The following TTC7A variants were observed in gnomAD, a reference collection of about 807,000 sequenced individuals.
TTC7A encodes the protein tetratricopeptide repeat protein 7A.
Under a neutral mutation model 103.7 loss-of-function variants are expected in TTC7A, and 110 were observed. That is an observed-to-expected ratio of 1.06 (90% CI 0.91 to 1.24). The LOEUF (loss-of-function observed/expected upper bound fraction) is 1.24. Ranked by LOEUF, TTC7A falls within the 50% of genes most tolerant of loss-of-function variation. TTC7A has a pLI of 0.00. For synonymous variants in TTC7A, 521 were observed against 467.9 expected, an observed-to-expected ratio of 1.11 and a Z score of -1.47; for missense variants, 1,340 against 1,116.3, an observed-to-expected ratio of 1.20 and a Z score of -2.86.
At chr2:47,054,835 C>CAAA (rs71399005) in intron 18 of TTC7A, among the ~76,000 whole-genome samples, 20,816 of 115,180 alleles carry the variant, frequency 0.18, 1,651 homozygotes, top group Middle Eastern at 0.23. Context: ...GACCCTGTCT[C>CAAA]AAAAAAAAAA....
At chr2:46,960,748 A>G (rs1672298840) in intron 3 of TTC7A, among the ~76,000 whole-genome samples, 3 of 152,250 alleles carry the variant, frequency 2.0e-5, no homozygotes, top group Non-Finnish European at 4.4e-5. Context: ...GCAGCCTATA[A>G]GTAGCATTGG....
At chr2:47,036,003 C>A (rs1681060947) in intron 15 of TTC7A, among the ~76,000 whole-genome samples, 1 of 152,208 alleles carries the variant, frequency 6.6e-6, no homozygotes, top group African/African-American at 2.4e-5. Flanking sequence ...TAAGCGTCTT[C>A]TTTTGGGAAG....
At chr2:46,924,076 G>T (rs560072228) in intron 2 of TTC7A, among the ~76,000 whole-genome samples, 2 of 152,042 alleles carry the variant, frequency 1.3e-5, no homozygotes, top group East Asian at 1.9e-4. Context: ...GTGGTGGTGT[G>T]GGCCTGTAGT....
At chr2:46,949,157 G>A (rs1244744256) in intron 1 of TTC7A, among the ~76,000 whole-genome samples, 3 of 152,232 alleles carry the variant, frequency 2.0e-5, no homozygotes, top group African/African-American at 7.2e-5. Context: ...CTCTGCTGTA[G>A]GTAGCAGGAA....
rs1309488949 is a variant in TTC7A at position 47,053,997 on chromosome 2, T to G, written c.2152+2117T>G. 3 of 571,070 alleles carry G rather than the reference T, an allele frequency of 5.3e-6. No homozygotes were observed. In the African/African-American group the frequency reaches 6.1e-5, roughly 12 times the overall value. 35.4% of individuals were successfully genotyped at this position (571,070 alleles called of 1,614,324 possible). A position where few individuals can be genotyped will look rare whatever the true frequency, so the allele number is the denominator to read the frequency against. Reference sequence around the variant, plus strand: ...CTCCAAGTAAGGTTAAAGGCCCTCCTGAAGCCAGTAATTAGACTTGGGAAT... The same window carrying G: ...CTCCAAGTAAGGTTAAAGGCCCTCCGGAAGCCAGTAATTAGACTTGGGAAT... On this transcript the variant is annotated intron_variant, in intron 18 of 19. Coordinates refer to ENST00000319190, the MANE Select transcript of TTC7A (RefSeq NM_020458.4).
At chr2:46,930,889 C>T (rs1669666006) in intron 2 of TTC7A, among the ~76,000 whole-genome samples, 1 of 152,132 alleles carries the variant, frequency 6.6e-6, no homozygotes, top group African/African-American at 2.4e-5. Flanking sequence ...TTTATATGAA[C>T]TCTTTGGAGA....
intron 2 of TTC7A, among the ~76,000 whole-genome samples, chr2:46,923,408 G>T (rs909376835): frequency 6.6e-6 from 1 of 152,200 alleles, no homozygotes; most frequent in African/African-American, 2.4e-5. Flanking sequence ...CTTACAAGAA[G>T]ACATCACTGT....
rs370388640 is a variant in TTC7A at position 47,062,382 on chromosome 2, C to T, written c.2355+1411C>T. Among the ~76,000 whole-genome samples, 4 of 152,342 alleles carry T rather than the reference C, an allele frequency of 2.6e-5. No homozygotes were observed. The East Asian group carries it at 5.8e-4, about 22-fold the overall frequency. On this transcript the variant is annotated intron_variant, in intron 19 of 19. Coordinates refer to ENST00000319190, the MANE Select transcript of TTC7A (RefSeq NM_020458.4). ...TGTTCAGCCTCAAATGAAGAAAGCC[C>T]GTGCAGCCACCATACACCCTTGTCC...
At chr2:47,032,032 C>T (rs1227084157) in intron 15 of TTC7A, among the ~76,000 whole-genome samples, 1 of 152,184 alleles carries the variant, frequency 6.6e-6, no homozygotes, top group South Asian at 2.1e-4. Context: ...CTGCTGCTGC[C>T]CTGCCTCAAC....
intron 15 of TTC7A, among the ~76,000 whole-genome samples, chr2:47,041,753 CAAA>C (rs570586750): frequency 8.7e-5 from 7 of 80,000 alleles, no homozygotes; most frequent in Admixed American, 1.4e-4. Flanking sequence ...AACTCCGTCT[CAAA>C]AAAAAAAAAA....
At chr2:47,054,668 A>G (rs1412349182) in intron 18 of TTC7A, among the ~76,000 whole-genome samples, 1 of 151,986 alleles carries the variant, frequency 6.6e-6, no homozygotes, top group African/African-American at 2.4e-5. Flanking sequence ...CCCCATCTCT[A>G]CTAAAAATAC....
intron 15 of TTC7A, chr2:47,040,277 C>A (rs1681591995): frequency 1.3e-5 from 2 of 152,464 alleles, no homozygotes; most frequent in African/African-American, 4.8e-5. Flanking sequence ...CAGGACCCGG[C>A]CGTCCTTCCC....
chr2:47,023,408 C>T lies in TTC7A; in HGVS notation c.1511C>T (p.Ala504Val), dbSNP rs1306895642. The T allele has an allele frequency of 1.2e-6, 2 of 1,613,844 alleles. No homozygotes were observed. Among genetic ancestry groups the T allele is most frequent in the African/African-American group, 1.3e-5 (1 of 74,892 alleles). Residue 504 changes from alanine (A) to valine (V), a missense_variant and splice_region_variant, in exon 13 of 20, where the codon GCC becomes GTC. Physicochemically the swap from Ala to Val is moderately conservative, Grantham distance 64 (BLOSUM62 0). Transcript: ENST00000319190. Reference protein sequence around the residue: ...GLTYSLQATDATLKSKQDELH... With the variant: ...GLTYSLQATDVTLKSKQDELH... ...TCAGTTTCTGTCCTGTCCCCTGCAG[C>T]CACCCTGAAGTCCAAGCAAGATGAA...
chr2:47,000,342 G>T (rs887663344), intron 8 of TTC7A, among the ~76,000 whole-genome samples: 15 of 152,152 alleles, frequency 9.9e-5, no homozygotes, highest in Non-Finnish European at 2.1e-4. Context: ...TTGGGATCTG[G>T]TTTGTTCTAA....
intron 3 of TTC7A, among the ~76,000 whole-genome samples, chr2:46,965,831 G>A (rs568371171): frequency 6.6e-6 from 1 of 152,126 alleles, no homozygotes; most frequent in Non-Finnish European, 1.5e-5. Flanking sequence ...CAGGAGTACT[G>A]GAGTTACAGG....
At chr2:46,973,740 C>A (rs1242340603) in intron 3 of TTC7A, among the ~76,000 whole-genome samples, 1 of 152,164 alleles carries the variant, frequency 6.6e-6, no homozygotes, top group Non-Finnish European at 1.5e-5. Context: ...GCGGCCAAGT[C>A]TGCACAGAAT....
At chr2:46,995,823 C>T (rs1676119956) in intron 8 of TTC7A, among the ~76,000 whole-genome samples, 1 of 152,234 alleles carries the variant, frequency 6.6e-6, no homozygotes, top group Non-Finnish European at 1.5e-5. Context: ...GAGAAAAGTC[C>T]TTTCCCTCGT....
At chr2:46,993,403 T>C in intron 5 of TTC7A, 47 bp from the exon 6 acceptor site, 2 of 1,593,374 alleles carry the variant, frequency 1.3e-6, no homozygotes, top group South Asian at 1.1e-5. Context: ...CATCCTTCTT[T>C]GCGAGCTAGG....
chr2:46,949,842 C>G (rs7560422), intron 1 of TTC7A, among the ~76,000 whole-genome samples: 19,855 of 152,158 alleles, frequency 0.13, 1,406 homozygotes, highest in African/African-American at 0.16. Flanking sequence ...TGCCAGTGCA[C>G]TCCAGCTAGG....
Sources: gnomAD v4.1 joint callset for allele counts (sites outside exome capture counted in the v4.1 genomes callset) on GRCh38, gnomAD v4.1.1 for gene constraint, MANE v1.5 for transcripts, NCBI Gene and HGNC (gene_info 2026-07-23, HGNC 2026-07-21) for gene names.